Variants in LMNA observed in about 807,000 individuals in gnomAD.
LMNA encodes the protein lamin.
In LMNA, 20 loss-of-function variants were observed where a neutral mutation model predicts 70.4. The ratio of observed to expected loss-of-function variants is 0.28; its 90% CI spans 0.20 to 0.41. LMNA has a LOEUF of 0.41. Ranked by LOEUF, LMNA falls within the 10% of genes least tolerant of loss-of-function variation. The pLI is 1.00. For missense variants in LMNA, 652 were observed against 917.2 expected, an observed-to-expected ratio of 0.71 and a Z score of 3.73; for synonymous variants, 339 against 372.8, an observed-to-expected ratio of 0.91 and a Z score of 1.04.
chr1:156,084,327 T>TAGG (rs1558104047), intron 2 of LMNA, among the ~76,000 whole-genome samples: 1 of 5,770 alleles, frequency 1.7e-4, no homozygotes, highest in African/African-American at 7.4e-4. Flanking sequence ...TCTCAGAAGG[T>TAGG]CGGGGGGTGG....
intron 2 of LMNA, among the ~76,000 whole-genome samples, chr1:156,090,007 G>T (rs1444967652): frequency 6.6e-6 from 1 of 152,196 alleles, no homozygotes; most frequent in Non-Finnish European, 1.5e-5. Context: ...GTGAGGGAGG[G>T]GGAGGGGCAC....
intron 1 of LMNA, among the ~76,000 whole-genome samples, chr1:156,120,580 G>A (rs959611859): frequency 2.0e-5 from 3 of 152,096 alleles, no homozygotes; most frequent in South Asian, 2.1e-4. Flanking sequence ...AAAATTAGCC[G>A]GTCAACACCT....
At chr1:156,104,718 C>T (rs1214628778) in intron 3 of LMNA, among the ~76,000 whole-genome samples, 3 of 152,196 alleles carry the variant, frequency 2.0e-5, no homozygotes, top group Admixed American at 6.5e-5. Flanking sequence ...GCTAGTGCGT[C>T]GTCGGTGCTC....
intron 3 of LMNA, among the ~76,000 whole-genome samples, chr1:156,097,462 A>G (rs1446280326): frequency 2.0e-5 from 3 of 152,378 alleles, no homozygotes; most frequent in East Asian, 3.9e-4. Context: ...CACGCCGTAC[A>G]TGCACATATC....
At chr1:156,106,336 A>G (rs909386328) in intron 3 of LMNA, among the ~76,000 whole-genome samples, 5 of 152,198 alleles carry the variant, frequency 3.3e-5, no homozygotes, top group African/African-American at 1.2e-4. Flanking sequence ...CCTCTCCTCC[A>G]GCTCCAGTCC....
chr1:156,139,904 A>C lies in LMNA; in HGVS notation c.*798A>C. 7.4e-7 allele frequency: 1 copy of C among 1,353,174 alleles called. No individual in the cohort carries two copies. 83.8% of individuals were successfully genotyped at this position (1,353,174 alleles called of 1,614,324 possible). A position where few individuals can be genotyped will look rare whatever the true frequency, so the allele number is the denominator to read the frequency against. ...TGAAGCCAAGTGGGGTGCTGGGAGG[A>C]GGGAGAGGGAGGTCACTGGAAAGGG... On this transcript the variant is annotated 3_prime_UTR_variant, in exon 12 of 12. Transcript: ENST00000368300.
At chr1:156,128,433 A>G (rs1182938983) in intron 1 of LMNA, among the ~76,000 whole-genome samples, 1 of 152,182 alleles carries the variant, frequency 6.6e-6, no homozygotes, top group Admixed American at 6.5e-5. Context: ...CTGGCACCTA[A>G]GGAGGCTGGG....
In LMNA at chr1:156,139,583, G is replaced by A. The variant is rs955607154; in HGVS notation, c.*477G>A. 12 of 1,400,624 alleles carry A rather than the reference G, an allele frequency of 8.6e-6. No homozygotes were observed. Among genetic ancestry groups the A allele is most frequent in the South Asian group, 1.5e-5 (1 of 65,994 alleles). The allele number at this position is 1,400,624 out of a possible 1,614,324, so 86.8% of individuals were successfully genotyped here. ...CAGGCTCACTGCCAGGCCAGCCTCC[G>A]AGAGGGAGAGAGAGAGAGAGAGGAC... On this transcript the variant is annotated 3_prime_UTR_variant, in exon 12 of 12. Coordinates refer to ENST00000368300, the MANE Select transcript of LMNA (RefSeq NM_170707.4).
rs762488606 is a variant in LMNA, at chr1:156,126,771, C to T, written c.357-3846C>T. On this transcript the variant is annotated intron_variant, in intron 1 of 11. Transcript: ENST00000368300. ...GATGGGAAGAGTTAGAAACAGGATGCCCAGCCCTTCTCGCCTCAAGAGGCC... is the reference window on the plus strand; with the variant it reads ...GATGGGAAGAGTTAGAAACAGGATGTCCAGCCCTTCTCGCCTCAAGAGGCC... 5.7e-6 allele frequency: 9 copies of T among 1,589,056 alleles called. No homozygotes were observed. The Admixed American group carries it at 1.6e-4, about 28-fold the overall frequency.
upstream of LMNA, among the ~76,000 whole-genome samples, chr1:156,112,830 T>C (rs1391940662): frequency 1.3e-5 from 2 of 152,196 alleles, no homozygotes; most frequent in Non-Finnish European, 2.9e-5. Context: ...TGAGGGCCTG[T>C]CCAGCCCTGC....
chr1:156,119,818 T>C (rs503815), intron 1 of LMNA, among the ~76,000 whole-genome samples: 23,092 of 151,336 alleles, frequency 0.15, 3,874 homozygotes, highest in African/African-American at 0.42. Flanking sequence ...AGTGGTGGTC[T>C]GAATGTCTAC....
intron 1 of LMNA, chr1:156,126,198 C>T: frequency 6.5e-6 from 10 of 1,527,308 alleles, no homozygotes; most frequent in Non-Finnish European, 7.9e-6. Flanking sequence ...TGTGTGCTGC[C>T]TGGCAATGGG....
chr1:156,090,923 G>C (rs1648673746), intron 3 of LMNA: 2 of 152,208 alleles, frequency 1.3e-5, no homozygotes, highest in African/African-American at 4.8e-5. Flanking sequence ...AGCGGCTCCA[G>C]CCTCAGCGCC....
rs545393299 is a variant in LMNA, at chr1:156,137,131, G to A, written c.1507G>A (p.Gly503Arg). 1.2e-6 allele frequency: 2 copies of A among 1,613,724 alleles called. No homozygotes were observed. The highest frequency in any genetic ancestry group is 2.2e-5 in the South Asian group (2 of 91,060). ...QVVTIWAAGAGATHSPPTDLV... is the reference protein window; with the variant it reads ...QVVTIWAAGARATHSPPTDLV... ...TCTCCAGATCTGGGCTGCAGGAGCT[G>A]GGGCCACCCACAGCCCCCCTACCGA... Residue 503 changes from glycine (G) to arginine (R), a missense_variant, in exon 9 of 12, where the codon GGG becomes AGG. Around this residue, in one of 4 missense-constraint regions of LMNA, gnomAD observed 327 missense variants for 387.6 expected, o/e 0.84. Transcript: ENST00000368300. The surrounding 1 kb of genome is among the most constrained non-coding windows in gnomAD (Gnocchi z 4.6).
chr1:156,089,125 G>C (rs1289038350), intron 2 of LMNA, among the ~76,000 whole-genome samples: 1 of 152,016 alleles, frequency 6.6e-6, no homozygotes, highest in Non-Finnish European at 1.5e-5. Context: ...CTACAGGCAT[G>C]CGCACCCTGC....
At chr1:156,124,438 G>A (rs367957337) in intron 1 of LMNA, among the ~76,000 whole-genome samples, 9 of 152,170 alleles carry the variant, frequency 5.9e-5, no homozygotes, top group African/African-American at 1.2e-4. Flanking sequence ...ATAGGTGCCC[G>A]CCACCATGCC....
rs896304251 is a variant in LMNA, at chr1:156,138,894, G to T, written c.1968+137G>T. On this transcript the variant is annotated intron_variant, in intron 11 of 11. Coordinates refer to ENST00000368300, the MANE Select transcript of LMNA (RefSeq NM_170707.4). This position sits in a 1 kb window ranked among gnomAD's most constrained non-coding sequence, Gnocchi z 5.5. Reference sequence around the variant, plus strand: ...GGGGAGTGGGAGCCTCCTCCCCACAGCCTGAGTCCTAGACAGCCCACCTCT... The same window carrying T: ...GGGGAGTGGGAGCCTCCTCCCCACATCCTGAGTCCTAGACAGCCCACCTCT... 4.6e-5 allele frequency: 62 copies of T among 1,347,762 alleles called. No homozygotes were observed. The highest frequency in any genetic ancestry group is 6.2e-5 in the Non-Finnish European group (59 of 955,840). The allele number at this position is 1,347,762 out of a possible 1,614,324, so 83.5% of individuals were successfully genotyped here.
At chr1:156,106,898 G>A (rs543458706) in intron 3 of LMNA, 8 of 152,528 alleles carry the variant, frequency 5.2e-5, no homozygotes, top group African/African-American at 1.9e-4. Flanking sequence ...GGGTGGGGGA[G>A]GTGGTTTGGA....
intron 1 of LMNA, chr1:156,126,961 CTGAGCA>C: frequency 6.6e-7 from 1 of 1,518,002 alleles, no homozygotes; most frequent in Non-Finnish European, 8.9e-7. Flanking sequence ...TATTGTGTGC[CTGAGCA>C]TGAGTCACCT....
Sources: allele counts gnomAD v4.1 joint callset (sites outside exome capture counted in the v4.1 genomes callset), GRCh38; gene constraint gnomAD v4.1.1; regional missense constraint gnomAD v4.1.1; non-coding constraint Gnocchi (gnomAD v3.1); transcripts MANE v1.5; gene names NCBI Gene and HGNC (gene_info 2026-07-23, HGNC 2026-07-21).